ST8SIA1: variants seen among roughly 807,000 people sequenced by gnomAD.
ST8SIA1 encodes ST8 alpha-N-acetyl-neuraminide alpha-2,8-sialyltransferase 1.
A neutral mutation model predicts 35.9 loss-of-function variants in ST8SIA1; 16 were observed. The observed-to-expected ratio is 0.45, with a 90% CI of 0.30 to 0.68. The LOEUF (loss-of-function observed/expected upper bound fraction) is 0.68, where lower values mean the gene tolerates loss of function less well. Ranked by LOEUF, ST8SIA1 falls within the 30% of genes least tolerant of loss-of-function variation. The probability of loss-of-function intolerance (pLI) is 0.09; values close to 1 mark genes in which losing one functional copy is unlikely to be tolerated. For synonymous variants in ST8SIA1, 170 were observed against 169.6 expected, an observed-to-expected ratio of 1.00 and a Z score of -0.02; for missense variants, 383 against 453.6, an observed-to-expected ratio of 0.84 and a Z score of 1.41.
At chr12:22,217,260 C>T (rs1248052733) in intron 4 of ST8SIA1, among the ~76,000 whole-genome samples, 1 of 151,938 alleles carries the variant, frequency 6.6e-6, no homozygotes, top group Non-Finnish European at 1.5e-5. Context: ...GTTTAAGTTT[C>T]TTTATATGAA....
In ST8SIA1 at chr12:22,321,407, T is replaced by A. The variant is rs529426480; in HGVS notation, c.236+12590A>T. 4.6e-5 allele frequency among the ~76,000 whole-genome samples: 7 copies of A among 152,318 alleles called. No individual in the cohort carries two copies. The South Asian group carries it at 1.2e-3, about 27-fold the overall frequency. On this transcript the variant is annotated intron_variant, in intron 1 of 4. Coordinates refer to ENST00000396037, the MANE Select transcript of ST8SIA1 (RefSeq NM_003034.4). ...CCACCCCCAACAGAGAAAGGGACTA[T>A]GAATATTCCCCTCCTCCCTGCCCAA...
intron 2 of ST8SIA1, among the ~76,000 whole-genome samples, chr12:22,265,630 A>G (rs139903343): frequency 2.6e-5 from 4 of 152,212 alleles, no homozygotes; most frequent in Admixed American, 1.3e-4. Flanking sequence ...TGTTATTTTT[A>G]TCTTTAAGAG....
intron 2 of ST8SIA1, among the ~76,000 whole-genome samples, chr12:22,270,901 T>C (rs1865905042): frequency 1.3e-5 from 2 of 152,366 alleles, no homozygotes; most frequent in East Asian, 1.9e-4. Flanking sequence ...GCTTTATTTG[T>C]ACAGGTGGTC....
At chr12:22,214,970 G>C (rs188513218) in intron 4 of ST8SIA1, among the ~76,000 whole-genome samples, 5 of 152,248 alleles carry the variant, frequency 3.3e-5, no homozygotes, top group Admixed American at 3.3e-4. Flanking sequence ...TTGATTCTAT[G>C]CTCTGAATTA....
intron 4 of ST8SIA1, among the ~76,000 whole-genome samples, chr12:22,241,598 ATTTTTTTT>A (rs71053392): frequency 1.9e-5 from 2 of 104,380 alleles, no homozygotes; most frequent in African/African-American, 3.6e-5. Context: ...AGACTCCGGT[ATTTTTTTT>A]TTTTTTTTTT....
At position 22,193,729 on chromosome 12, in the gene ST8SIA1, T is replaced by C. The variant is rs1289976934; in HGVS notation, c.*7823A>G. 6.6e-6 allele frequency: 1 copy of C among 152,192 alleles called. No homozygotes were observed. Among genetic ancestry groups the C allele is most frequent in the African/African-American group, 2.4e-5 (1 of 41,428 alleles). 9.4% of individuals were successfully genotyped at this position (152,192 alleles called of 1,614,324 possible). A position where few individuals can be genotyped will look rare whatever the true frequency, so the allele number is the denominator to read the frequency against. ...TGATTTTCTCCACACTTTTTGCCAA[T>C]GTAGGTTGGCTTTAATAGAAAGAAG... On this transcript the variant is annotated 3_prime_UTR_variant, in exon 5 of 5. Transcript: ENST00000396037.
At chr12:22,331,773 C>G (rs1476720571) in intron 1 of ST8SIA1, among the ~76,000 whole-genome samples, 3 of 152,168 alleles carry the variant, frequency 2.0e-5, no homozygotes, top group Non-Finnish European at 4.4e-5. Context: ...GTGTACATGG[C>G]TGGGGAGAGG....
At position 22,287,188 on chromosome 12, in the gene ST8SIA1, T is replaced by C. The variant is rs1352345409; in HGVS notation, c.342A>G (p.Ser114=). The C allele has an allele frequency of 1.9e-6, 3 of 1,613,972 alleles. No individual in the cohort carries two copies. Among genetic ancestry groups the C allele is most frequent in the South Asian group, 1.1e-5 (1 of 91,076 alleles). Reference sequence around the variant, plus strand: ...AGTAAGTTGAATTGTCAATGGTGAATGAGTATAAAAACTCCCCGTCATACC... The same window carrying C: ...AGTAAGTTGAATTGTCAATGGTGAACGAGTATAAAAACTCCCCGTCATACC... The part of the protein sequence containing the change: ...SMWYDGEFLY[S]FTIDNSTYSL... The change falls in exon 2 of 5, where the codon TCA becomes TCG. Residue 114 remains serine, a synonymous_variant. Transcript: ENST00000396037.
At position 22,193,684 on chromosome 12, in the gene ST8SIA1, A is replaced by G. The variant is rs941689147; in HGVS notation, c.*7868T>C. On this transcript the variant is annotated 3_prime_UTR_variant, in exon 5 of 5. Coordinates refer to ENST00000396037, the MANE Select transcript of ST8SIA1 (RefSeq NM_003034.4). Reference sequence around the variant, plus strand: ...CCTGCAACATTTTAGATGAAACTCTACAAAAAGAATTGAGCACACTGATTT... The same window carrying G: ...CCTGCAACATTTTAGATGAAACTCTGCAAAAAGAATTGAGCACACTGATTT... The G allele has an allele frequency of 2.2e-4, 33 of 152,212 alleles. 1 individual carries two copies. Among genetic ancestry groups the G allele is most frequent in the African/African-American group, 8.0e-4 (33 of 41,456 alleles). 9.4% of individuals were successfully genotyped at this position (152,212 alleles called of 1,614,324 possible).
chr12:22,332,488 G>C (rs1866780305), intron 1 of ST8SIA1, among the ~76,000 whole-genome samples: 1 of 152,170 alleles, frequency 6.6e-6, no homozygotes, highest in Admixed American at 6.5e-5. Context: ...TGAAATGAAA[G>C]TGCTTTCTGT....
intron 1 of ST8SIA1, among the ~76,000 whole-genome samples, chr12:22,306,336 G>T (rs1005039358): frequency 5.3e-5 from 8 of 151,996 alleles, no homozygotes; most frequent in Non-Finnish European, 8.8e-5. Flanking sequence ...CACATATTCA[G>T]GGTTCACACC....
chr12:22,268,353 G>A (rs939623176), intron 2 of ST8SIA1, among the ~76,000 whole-genome samples: 2 of 152,152 alleles, frequency 1.3e-5, no homozygotes, highest in African/African-American at 4.8e-5. Flanking sequence ...CACAATTCAA[G>A]CGGGTAACAT....
chr12:22,236,278 A>C (rs1265174368), intron 4 of ST8SIA1, among the ~76,000 whole-genome samples: 1 of 152,188 alleles, frequency 6.6e-6, no homozygotes, highest in Non-Finnish European at 1.5e-5. Flanking sequence ...ATTCAGCAAG[A>C]AACAGTTCCA....
intron 4 of ST8SIA1, among the ~76,000 whole-genome samples, chr12:22,231,775 G>A (rs1051134750): frequency 1.7e-4 from 26 of 151,878 alleles, no homozygotes; most frequent in African/African-American, 5.1e-4. Flanking sequence ...GGGTTTCACC[G>A]TGTTAGCCAG....
intron 4 of ST8SIA1, among the ~76,000 whole-genome samples, chr12:22,235,077 G>GCATATCA (rs1433935099): frequency 6.6e-6 from 1 of 152,154 alleles, no homozygotes; most frequent in Non-Finnish European, 1.5e-5. Context: ...CGCAGGGTGT[G>GCATATCA]TGTGTCCAAA....
intron 1 of ST8SIA1, among the ~76,000 whole-genome samples, chr12:22,322,572 C>T (rs1866615324): frequency 6.6e-6 from 1 of 152,178 alleles, no homozygotes. Flanking sequence ...TTTAGTAAGG[C>T]TGTGACCAGG....
At chr12:22,236,563 T>C (rs1865477851) in intron 4 of ST8SIA1, among the ~76,000 whole-genome samples, 1 of 152,194 alleles carries the variant, frequency 6.6e-6, no homozygotes, top group African/African-American at 2.4e-5. Flanking sequence ...GTTGGCCCAG[T>C]GGCATATCGG....
intron 2 of ST8SIA1, among the ~76,000 whole-genome samples, chr12:22,273,411 C>T (rs1408531034): frequency 2.0e-5 from 3 of 152,276 alleles, no homozygotes; most frequent in African/African-American, 7.2e-5. Context: ...ATAAAAAGCC[C>T]CAGGCTCAGC....
intron 4 of ST8SIA1, among the ~76,000 whole-genome samples, chr12:22,230,994 C>T (rs565440330): frequency 6.6e-6 from 1 of 152,180 alleles, no homozygotes; most frequent in African/African-American, 2.4e-5. Flanking sequence ...CTAAGAATCA[C>T]ATCTCTGCAT....
Sources: allele counts gnomAD v4.1 joint callset (sites outside exome capture counted in the v4.1 genomes callset), GRCh38; gene constraint gnomAD v4.1.1; transcripts MANE v1.5; gene names NCBI Gene and HGNC (gene_info 2026-07-23, HGNC 2026-07-21).